The following SRGAP3 variants were observed in gnomAD, a reference collection of about 807,000 sequenced individuals.
The protein encoded by SRGAP3 is SLIT-ROBO Rho GTPase activating protein 3, also known as SLIT-ROBO Rho GTPase-activating protein 3.
A neutral mutation model predicts 121.1 loss-of-function variants in SRGAP3; 39 were observed. That is an observed-to-expected ratio of 0.32 (90% confidence interval 0.25 to 0.42). SRGAP3 has a LOEUF of 0.42. Among genes scored for constraint, SRGAP3 ranks in the 10% least tolerant of loss-of-function variants. The pLI, the probability that SRGAP3 is intolerant of heterozygous loss-of-function variation, is 1.00. For synonymous variants in SRGAP3, 601 were observed against 570.0 expected (o/e 1.05, Z -0.77); for missense variants, 1,213 against 1,470.6 (o/e 0.82, Z 2.86).
chr3:9,236,587 C>G (rs1007360), intron 1 of SRGAP3, among the ~76,000 whole-genome samples: 20,041 of 151,972 alleles, frequency 0.13, 1,422 homozygotes, highest in South Asian at 0.19. Context: ...CTTCCCCCCC[C>G]CTCTTCTTCC....
chr3:9,093,907 T>C (rs1007819249), intron 3 of SRGAP3, among the ~76,000 whole-genome samples: 3 of 152,186 alleles, frequency 2.0e-5, no homozygotes, highest in Non-Finnish European at 4.4e-5. Flanking sequence ...ACTTTCCTTA[T>C]TTTTACCTTT....
intron 1 of SRGAP3, among the ~76,000 whole-genome samples, chr3:9,362,357 T>G (rs974059341): frequency 6.6e-6 from 1 of 150,808 alleles, no homozygotes; most frequent in Non-Finnish European, 1.5e-5. Flanking sequence ...AGAGATGGAG[T>G]TTCACCATGT....
At chr3:9,209,440 C>G (rs1031332837) in intron 1 of SRGAP3, among the ~76,000 whole-genome samples, 2 of 152,112 alleles carry the variant, frequency 1.3e-5, no homozygotes, top group African/African-American at 4.8e-5. Flanking sequence ...AGAGACATTC[C>G]CATTCAAATG....
At position 9,319,866 on chromosome 3, in the gene SRGAP3, A is replaced by G. The variant is rs116748330; in HGVS notation, n.442+6144T>C. ...CTGTGAGAGTAAGAAGTGCAAAGCC[A>G]GGACAGGCTCAGGGGAGCAGGGAGC... On this transcript the variant is annotated intron_variant and non_coding_transcript_variant, in intron 3 of 3. Coordinates refer to the SRGAP3 transcript ENST00000490889. Among the ~76,000 whole-genome samples, 481 of 152,080 alleles carry G rather than the reference A, an allele frequency of 3.2e-3. 5 individuals are homozygous for G. The highest frequency in any genetic ancestry group is 0.011 in the African/African-American group (463 of 41,572).
chr3:9,074,620 G>C (rs1946871294), intron 4 of SRGAP3, among the ~76,000 whole-genome samples: 1 of 152,216 alleles, frequency 6.6e-6, no homozygotes, highest in Non-Finnish European at 1.5e-5. Context: ...CACGCAGTGA[G>C]CCCAGGGTGG....
intron 1 of SRGAP3, among the ~76,000 whole-genome samples, chr3:9,335,076 C>T (rs564514842): frequency 3.0e-4 from 46 of 152,304 alleles, no homozygotes; most frequent in Admixed American, 5.2e-4. Flanking sequence ...CATCCCACAA[C>T]TTAGTGGCTT....
chr3:9,076,452 G>GA (rs1946979112), intron 4 of SRGAP3, among the ~76,000 whole-genome samples: 1 of 151,708 alleles, frequency 6.6e-6, no homozygotes, highest in South Asian at 2.1e-4. Context: ...TGGCAACAAA[G>GA]AGGAGAGCCA....
chr3:9,018,037 T>C (rs1943726143), intron 14 of SRGAP3, among the ~76,000 whole-genome samples: 1 of 152,210 alleles, frequency 6.6e-6, no homozygotes, highest in Admixed American at 6.5e-5. Context: ...CTGGCACCTA[T>C]CACTCTATCC....
At chr3:9,078,639 G>C (rs1947093668) in intron 4 of SRGAP3, among the ~76,000 whole-genome samples, 1 of 152,138 alleles carries the variant, frequency 6.6e-6, no homozygotes, top group South Asian at 2.1e-4. Context: ...GCACTAAGCA[G>C]GTACTAGTAT....
At chr3:8,989,672 T>G (rs184522876) in intron 21 of SRGAP3, among the ~76,000 whole-genome samples, 1 of 152,168 alleles carries the variant, frequency 6.6e-6, no homozygotes, top group East Asian at 1.9e-4. Context: ...CAAAATATGA[T>G]AGAACTGTCA....
intron 18 of SRGAP3, among the ~76,000 whole-genome samples, chr3:9,000,305 C>T (rs984448614): frequency 6.6e-6 from 1 of 152,192 alleles, no homozygotes; most frequent in Non-Finnish European, 1.5e-5. Flanking sequence ...TGTGGGGGTT[C>T]TATCAACCTT....
intron 3 of SRGAP3, among the ~76,000 whole-genome samples, chr3:9,286,205 A>T (rs1954767161): frequency 6.6e-6 from 1 of 151,798 alleles, no homozygotes; most frequent in Non-Finnish European, 1.5e-5. Flanking sequence ...CTCCTGTGTC[A>T]CACAACACTT....
chr3:9,111,386 G>A (rs1948616633), intron 2 of SRGAP3, among the ~76,000 whole-genome samples: 1 of 152,244 alleles, frequency 6.6e-6, no homozygotes, highest in Admixed American at 6.5e-5. Context: ...AGGTGGGCTG[G>A]CGGGAGAAGG....
chr3:9,269,395 T>G (rs1954431387), intron 3 of SRGAP3, among the ~76,000 whole-genome samples: 1 of 152,170 alleles, frequency 6.6e-6, no homozygotes, highest in Non-Finnish European at 1.5e-5. Context: ...CAGTGTCTCC[T>G]GCAGAGCCAC....
At chr3:9,209,931 G>A (rs1952389965) in intron 1 of SRGAP3, among the ~76,000 whole-genome samples, 1 of 152,106 alleles carries the variant, frequency 6.6e-6, no homozygotes, top group Non-Finnish European at 1.5e-5. Flanking sequence ...AACCAAATGT[G>A]CTATATCCTA....
At chr3:9,118,678 T>G (rs1331252152) in intron 2 of SRGAP3, among the ~76,000 whole-genome samples, 1 of 138,572 alleles carries the variant, frequency 7.2e-6, no homozygotes, top group Non-Finnish European at 1.6e-5. Flanking sequence ...GCTTGTTAAA[T>G]GCAGATTGCC....
At chr3:9,280,813 G>A (rs747399614) in intron 3 of SRGAP3, among the ~76,000 whole-genome samples, 8 of 152,146 alleles carry the variant, frequency 5.3e-5, no homozygotes, top group Non-Finnish European at 1.0e-4. Context: ...CTTTTTGCCT[G>A]TTAAATACTT....
intron 3 of SRGAP3, chr3:9,256,610 T>C: frequency 2.6e-6 from 1 of 391,916 alleles, no homozygotes; most frequent in Non-Finnish European, 4.5e-6. Context: ...AGGGAATGCT[T>C]GTTCCCTTGA....
At chr3:9,250,003 TAGGG>T (rs1953967307), upstream of SRGAP3, among the ~76,000 whole-genome samples, 1 of 152,182 alleles carries the variant, frequency 6.6e-6, no homozygotes, top group South Asian at 2.1e-4. Flanking sequence ...CTGACCCATG[TAGGG>T]AAAAGCATCA....
Sources: allele counts gnomAD v4.1 joint callset (sites outside exome capture counted in the v4.1 genomes callset), GRCh38; gene constraint gnomAD v4.1.1; transcripts MANE v1.5; gene names NCBI Gene and HGNC (gene_info 2026-07-23, HGNC 2026-07-21).